The following BPIFB4 variants were observed in gnomAD, a reference collection of about 807,000 sequenced individuals.
The protein encoded by BPIFB4 is BPI fold containing family B member 4.
In BPIFB4, 62 loss-of-function variants were observed where a neutral mutation model predicts 69.2. That is an observed-to-expected ratio of 0.90 (90% confidence interval 0.73 to 1.11). The LOEUF is 1.11. Among genes scored for constraint, BPIFB4 ranks in the 50% least tolerant of loss-of-function variants. The pLI, the probability that BPIFB4 is intolerant of heterozygous loss-of-function variation, is 0.00. For synonymous variants in BPIFB4, 330 were observed against 332.7 expected, an observed-to-expected ratio of 0.99 and a Z score of 0.09; for missense variants, 789 against 792.0, an observed-to-expected ratio of 1.00 and a Z score of 0.04.
intron 11 of BPIFB4, 28 bp downstream of exon 11, chr20:33,092,686 T>A (rs1981640786): frequency 2.5e-6 from 4 of 1,586,042 alleles, no homozygotes. Flanking sequence ...CAGGGGGAGG[T>A]GGCTGGGCAG....
chr20:33,091,451 A>G (rs1324906777), intron 10 of BPIFB4, among the ~76,000 whole-genome samples: 1 of 152,168 alleles, frequency 6.6e-6, no homozygotes, highest in Non-Finnish European at 1.5e-5. Context: ...CTGGCCCCTA[A>G]TTTTGTATGG....
At chr20:33,085,238 T>C (rs1981389254) in intron 6 of BPIFB4, among the ~76,000 whole-genome samples, 2 of 152,150 alleles carry the variant, frequency 1.3e-5, no homozygotes, top group African/African-American at 4.8e-5. Flanking sequence ...GCAGATCATC[T>C]GAGGTCAGGA....
At chr20:33,095,815 A>T (rs1029266550) in intron 12 of BPIFB4, among the ~76,000 whole-genome samples, 1 of 152,100 alleles carries the variant, frequency 6.6e-6, no homozygotes, top group Non-Finnish European at 1.5e-5. Flanking sequence ...ATTACACATT[A>T]CTTCTTTTTT....
At chr20:33,098,412 C>T (rs1981816638) in intron 13 of BPIFB4, among the ~76,000 whole-genome samples, 1 of 152,134 alleles carries the variant, frequency 6.6e-6, no homozygotes. Flanking sequence ...ACAAATACAA[C>T]AATTTTCACA....
At position 33,089,508 on chromosome 20, in the gene BPIFB4, T is replaced by A; in HGVS notation, c.1001T>A (p.Ile334Asn). Reference sequence around the variant, plus strand: ...ATTTCTCCCCTGCAGCTCTGCCCCATCGTGGATGTGGTGCTGGGTCTTGTC... The same window carrying A: ...ATTTCTCCCCTGCAGCTCTGCCCCAACGTGGATGTGGTGCTGGGTCTTGTC... ...ADVLPDLLCP[I>N]VDVVLGLVND... Residue 334 changes from isoleucine (I) to asparagine (N), a missense_variant, in exon 9 of 18, where the codon ATC (isoleucine) becomes AAC (asparagine). By Grantham distance (149) the Ile-to-Asn change is moderately radical. Around this residue, in one of 3 missense-constraint regions of BPIFB4, gnomAD observed 611 missense variants for 575.4 expected, o/e 1.06. Coordinates refer to ENST00000375483, the MANE Select transcript of BPIFB4 (RefSeq NM_182519.3). 1 of 1,614,192 alleles carries A rather than the reference T, an allele frequency of 6.2e-7. No homozygotes were observed. The highest frequency in any genetic ancestry group is 8.5e-7 in the Non-Finnish European group (1 of 1,180,020).
chr20:33,083,733 C>T lies in BPIFB4; in HGVS notation c.536C>T (p.Ala179Val). 1 of 1,613,978 alleles carries T rather than the reference C, an allele frequency of 6.2e-7. No homozygotes were observed. Among genetic ancestry groups the T allele is most frequent in the Non-Finnish European group, 8.5e-7 (1 of 1,179,952 alleles). Residue 179 changes from alanine to valine, a missense_variant, in exon 5 of 18, where the codon GCA (alanine) becomes GTA (valine). Around this residue, in one of 3 missense-constraint regions of BPIFB4, gnomAD observed 611 missense variants for 575.4 expected, o/e 1.06. Transcript: ENST00000375483. ...GGLLGTGGML[A>V]ADGILAGQGG... The stretch of plus-strand genomic sequence containing the variant: ...TTGCTGGGCACTGGAGGCATGCTGG[C>T]AGCTGATGGCATCCTCGCAGGCCAA...
At chr20:33,100,309 G>A in intron 13 of BPIFB4, 117 bp from the exon 14 acceptor site, 1 of 792,952 alleles carries the variant, frequency 1.3e-6, no homozygotes, top group Non-Finnish European at 2.1e-6. Context: ...GGAACAACCT[G>A]CCATCATGCT....
intron 6 of BPIFB4, 93 bp downstream of exon 6, chr20:33,085,089 C>T: frequency 6.6e-7 from 1 of 1,512,144 alleles, no homozygotes; most frequent in Non-Finnish European, 8.8e-7. Context: ...AAACTTCTGC[C>T]AGTGCATGCC....
intron 11 of BPIFB4, among the ~76,000 whole-genome samples, chr20:33,093,410 CCAAT>C (rs1302669381): frequency 3.3e-5 from 5 of 150,838 alleles, no homozygotes; most frequent in African/African-American, 4.9e-5. Context: ...CACCCATCCA[CCAAT>C]CAAACCATCC....
chr20:33,100,445 C>T lies in BPIFB4; in HGVS notation c.1589C>T (p.Ser530Leu), dbSNP rs1436662852. ...CTCCAGGACACAGAATTCTTGGCCT[C>T]ATTTTCCACAGAAGGAGATAAGCTC... ...LIDVDTEFLA[S>L]FSTEGDKLMI... The change falls in exon 14 of 18, where the codon TCA becomes TTA. Residue 530 changes from serine (S) to leucine (L), a missense_variant. Physicochemically the swap from Ser to Leu is moderately radical, Grantham distance 145. This residue lies in a region of BPIFB4 where 170 missense variants were observed against 193.6 expected (regional missense o/e 0.88). Coordinates refer to ENST00000375483, the MANE Select transcript of BPIFB4 (RefSeq NM_182519.3). 4 of 1,605,084 alleles carry T rather than the reference C, an allele frequency of 2.5e-6. No homozygotes were observed. Among genetic ancestry groups the T allele is most frequent in the Non-Finnish European group, 2.6e-6 (3 of 1,171,866 alleles).
intron 5 of BPIFB4, among the ~76,000 whole-genome samples, 188 bp from the exon 6 acceptor site, chr20:33,084,704 C>A (rs536307507): frequency 1.3e-5 from 2 of 152,346 alleles, no homozygotes; most frequent in South Asian, 4.1e-4. Flanking sequence ...ATTGGGATTA[C>A]AGGTCATGGC....
chr20:33,109,676 A>G (rs955769895), intron 17 of BPIFB4, among the ~76,000 whole-genome samples: 1 of 152,096 alleles, frequency 6.6e-6, no homozygotes, highest in African/African-American at 2.4e-5. Flanking sequence ...TAAATGACTT[A>G]CCTTTTCTTT....
chr20:33,083,028 C>G (rs1318542300), intron 4 of BPIFB4, 28 bp downstream of exon 4: 1 of 1,575,276 alleles, frequency 6.3e-7, no homozygotes, highest in Non-Finnish European at 8.7e-7. Context: ...GGTGGTGGGC[C>G]TCTCCTGGGC....
At chr20:33,097,194 C>G (rs937958274) in intron 12 of BPIFB4, among the ~76,000 whole-genome samples, 2 of 152,118 alleles carry the variant, frequency 1.3e-5, no homozygotes, top group Non-Finnish European at 2.9e-5. Flanking sequence ...TGGCCTTGGA[C>G]AATTTCCTTG....
rs146042993 is a variant in BPIFB4, at chr20:33,097,784, C to T, written c.1566C>T (p.Asp522=). 101 of 1,610,992 alleles carry T rather than the reference C, an allele frequency of 6.3e-5. No individual in the cohort carries two copies. The South Asian group carries it at 6.6e-4, about 11-fold the overall frequency. The change falls in exon 13 of 18, where the codon GAC becomes GAT. Residue 522 remains aspartate (D), a synonymous_variant. Coordinates refer to ENST00000375483, the MANE Select transcript of BPIFB4 (RefSeq NM_182519.3). ...KDLETTICLI[D]VDTEFLASFS... ...TGGAGACTACCATCTGCCTCATTGACGTGGTGAGTGTCTGGAGGTACTGGT... is the reference window on the plus strand; with the variant it reads ...TGGAGACTACCATCTGCCTCATTGATGTGGTGAGTGTCTGGAGGTACTGGT...
chr20:33,084,516 G>A (rs1286716124), intron 5 of BPIFB4, among the ~76,000 whole-genome samples: 1 of 152,200 alleles, frequency 6.6e-6, no homozygotes, highest in Non-Finnish European at 1.5e-5. Flanking sequence ...CCTGGAGGAA[G>A]AGGACCTTAA....
intron 2 of BPIFB4, among the ~76,000 whole-genome samples, chr20:33,080,841 G>C (rs552610926): frequency 6.6e-6 from 1 of 152,266 alleles, no homozygotes; most frequent in South Asian, 2.1e-4. Context: ...CTTGCCAGCT[G>C]TTTGGATGAC....
intron 14 of BPIFB4, among the ~76,000 whole-genome samples, chr20:33,102,146 G>A (rs1014656756): frequency 2.6e-5 from 4 of 152,202 alleles, no homozygotes; most frequent in Admixed American, 6.5e-5. Context: ...GGCAAGCTTC[G>A]CAGAGAGGAA....
chr20:33,086,869 C>T (rs927108), intron 7 of BPIFB4, among the ~76,000 whole-genome samples: 51,817 of 152,086 alleles, frequency 0.34, 9,817 homozygotes, highest in East Asian at 0.78. Context: ...TGGATGAGTA[C>T]ACACTCAGAG....
Sources: allele counts gnomAD v4.1 joint callset (sites outside exome capture counted in the v4.1 genomes callset), GRCh38; gene constraint gnomAD v4.1.1; regional missense constraint gnomAD v4.1.1; transcripts MANE v1.5; gene names NCBI Gene and HGNC (gene_info 2026-07-23, HGNC 2026-07-21).